The following PROM1 variants were observed in gnomAD, a reference collection of about 807,000 sequenced individuals.
PROM1 encodes prominin-1.
A neutral mutation model predicts 116.9 loss-of-function variants in PROM1; 105 were observed. The ratio of observed to expected loss-of-function variants is 0.90; its 90% CI spans 0.77 to 1.06. The LOEUF (loss-of-function observed/expected upper bound fraction) is 1.06. Among genes scored for constraint, PROM1 ranks in the 50% least tolerant of loss-of-function variants. The pLI is 0.00. For synonymous variants in PROM1, 393 were observed against 387.0 expected, an observed-to-expected ratio of 1.02 and a Z score of -0.18; for missense variants, 1,122 against 1,045.2, an observed-to-expected ratio of 1.07 and a Z score of -1.01.
At position 16,023,329 on chromosome 4, in the gene PROM1, T is replaced by C. The variant is rs780178374; in HGVS notation, c.781A>G (p.Thr261Ala). The change falls in exon 8 of 28, where the codon ACA becomes GCA. Residue 261 changes from threonine to alanine, a missense_variant. Physicochemically the swap from Thr to Ala is moderately conservative, Grantham distance 58. Transcript: ENST00000447510. ...GTCATTTTTGCCCACTGCTTACCTG[T>C]TGCCATGGACTTAATCTCATCAAGA... ...PVLDEIKSMA[T>A]AIKETKEALE... The C allele has an allele frequency of 3.7e-6, 6 of 1,600,014 alleles. 1 individual carries two copies. The East Asian group carries it at 6.7e-5, about 18-fold the overall frequency.
intron 2 of PROM1, among the ~76,000 whole-genome samples, chr4:16,068,055 G>A (rs1741939586): frequency 6.6e-6 from 1 of 152,178 alleles, no homozygotes; most frequent in South Asian, 2.1e-4. Flanking sequence ...AGAGGGAGAG[G>A]GTAGGGGAGG....
chr4:15,984,277 T>G lies in PROM1; in HGVS notation c.2359A>C (p.Ile787Leu). The change falls in exon 23 of 28, where the codon ATT becomes CTT. Residue 787 changes from isoleucine to leucine, a missense_variant. Physicochemically the swap from Ile to Leu is conservative, Grantham distance 5. Transcript: ENST00000447510. ...TGAAATCTTACCAAGGGGTCGATAA[T>G]GTAGCTACACAGAAAGACATCAACA... ...TAVDVFLCSY[I>L]IDPLNLFWFG... is the part of the protein sequence containing the mutation. 6.2e-7 allele frequency: 1 copy of G among 1,603,182 alleles called. No homozygotes were observed. Among genetic ancestry groups the G allele is most frequent in the East Asian group, 2.2e-5 (1 of 44,772 alleles).
At chr4:15,990,880 AC>A (rs750903677) in intron 18 of PROM1, among the ~76,000 whole-genome samples, 6 of 152,244 alleles carry the variant, frequency 3.9e-5, no homozygotes, top group Non-Finnish European at 5.9e-5. Flanking sequence ...AAATAAGACT[AC>A]AAAACTGTCC....
chr4:16,063,097 T>C (rs28511570), intron 2 of PROM1, among the ~76,000 whole-genome samples: 3,353 of 152,266 alleles, frequency 0.022, 125 homozygotes, highest in African/African-American at 0.077. Flanking sequence ...AAAGGTGTTT[T>C]TCCCCCAAAA....
At chr4:16,055,235 A>C (rs1319765318) in intron 2 of PROM1, 6 of 352,312 alleles carry the variant, frequency 1.7e-5, no homozygotes, top group African/African-American at 4.3e-5. Flanking sequence ...TAATCACAGT[A>C]CCATTCTTGA....
At chr4:16,074,840 C>G (rs754929587) in intron 2 of PROM1, among the ~76,000 whole-genome samples, 8 of 152,182 alleles carry the variant, frequency 5.3e-5, no homozygotes, top group Non-Finnish European at 1.2e-4. Context: ...CTCTTACAAA[C>G]AGTAGCTGAA....
At chr4:16,040,554 A>G (rs948632425) in intron 2 of PROM1, among the ~76,000 whole-genome samples, 1 of 152,270 alleles carries the variant, frequency 6.6e-6, no homozygotes, top group Admixed American at 6.5e-5. Flanking sequence ...TGCACAGCAT[A>G]ATATGTTGCA....
chr4:15,999,729 A>G (rs1723272660), intron 14 of PROM1, among the ~76,000 whole-genome samples: 1 of 152,174 alleles, frequency 6.6e-6, no homozygotes, highest in South Asian at 2.1e-4. Context: ...CGACCAGTGA[A>G]ATAACTAAAA....
intron 2 of PROM1, among the ~76,000 whole-genome samples, chr4:16,073,054 A>C (rs895562924): frequency 2.0e-5 from 3 of 152,142 alleles, no homozygotes; most frequent in African/African-American, 4.8e-5. Context: ...GACTGCTTTG[A>C]GTAATAAAAC....
chr4:16,005,816 G>T (rs1488659935), intron 13 of PROM1, among the ~76,000 whole-genome samples: 4 of 152,160 alleles, frequency 2.6e-5, no homozygotes, highest in Non-Finnish European at 5.9e-5. Flanking sequence ...CTCTCTCCCT[G>T]CAGAGCATTC....
Position 16,024,303 on chromosome 4 carries a change from T to C in PROM1, c.686A>G (p.Asp229Gly). The change falls in exon 7 of 28, where the codon GAT becomes GGT. Residue 229 changes from aspartate (D) to glycine (G), a missense_variant. Transcript: ENST00000447510. Reference sequence around the variant, plus strand: ...CTTTAAATTTTACTCACTGTTCAGATCTGTGAACGCCTTGTCCTTGGTAGT... The same window carrying C: ...CTTTAAATTTTACTCACTGTTCAGACCTGTGAACGCCTTGTCCTTGGTAGT... The part of the protein sequence containing the change: ...YNTTKDKAFT[D>G]LNSINSVLGG... 6 of 1,613,218 alleles carry C rather than the reference T, an allele frequency of 3.7e-6. No individual in the cohort carries two copies. The highest frequency in any genetic ancestry group is 1.3e-5 in the African/African-American group (1 of 75,036).
intron 8 of PROM1, among the ~76,000 whole-genome samples, chr4:16,020,803 A>G (rs1366606502): frequency 2.0e-5 from 3 of 152,238 alleles, no homozygotes; most frequent in African/African-American, 7.2e-5. Context: ...CAGAAGTAAT[A>G]AATACATGTT....
intron 5 of PROM1, among the ~76,000 whole-genome samples, chr4:16,025,723 A>G (rs866659824): frequency 2.8e-4 from 42 of 150,652 alleles, no homozygotes; most frequent in East Asian, 7.8e-4. Flanking sequence ...ACACACGCAC[A>G]CACACACACA....
rs779628488 is a variant in PROM1 at position 16,035,696 on chromosome 4, T to G, written c.303+39A>C. 5 of 1,581,516 alleles carry G rather than the reference T, an allele frequency of 3.2e-6. No individual in the cohort carries two copies. The African/African-American group carries it at 6.7e-5, about 21-fold the overall frequency. On this transcript the variant is annotated intron_variant, in intron 4 of 27. Coordinates refer to ENST00000447510, the MANE Select transcript of PROM1 (RefSeq NM_006017.3). ...GGATGACAGTGAAGAACAGAAAGGC[T>G]TTCCAAGAGCAACTTGAAATAGCAG...
Position 16,065,330 on chromosome 4 carries a change from A to C in PROM1, c.220+10357T>G, listed in dbSNP as rs56664915. Reference sequence around the variant, plus strand: ...TCTCAACTTGCATCATTCAGGCCTCAGTTCCCTCCACCTGGAATGTTCTCT... The same window carrying C: ...TCTCAACTTGCATCATTCAGGCCTCCGTTCCCTCCACCTGGAATGTTCTCT... On this transcript the variant is annotated intron_variant, in intron 2 of 27. Transcript: ENST00000447510. Among the ~76,000 whole-genome samples, 1,346 of 152,290 alleles carry C rather than the reference A, an allele frequency of 8.8e-3. 40 individuals are homozygous for C. Among genetic ancestry groups the C allele is most frequent in the East Asian group, 0.065 (335 of 5,168 alleles).
At chr4:16,012,133 G>T (rs1190565821) in intron 11 of PROM1, among the ~76,000 whole-genome samples, 1 of 152,018 alleles carries the variant, frequency 6.6e-6, no homozygotes, top group Non-Finnish European at 1.5e-5. Context: ...AGTAGCTGGG[G>T]TTACAGGGAT....
At chr4:16,032,680 C>T (rs972587661) in intron 5 of PROM1, among the ~76,000 whole-genome samples, 1 of 152,154 alleles carries the variant, frequency 6.6e-6, no homozygotes, top group Non-Finnish European at 1.5e-5. Context: ...AAAACGTCAT[C>T]TTAAAAGCAA....
chr4:16,038,155 G>T (rs1734351048), intron 3 of PROM1: 1 of 152,110 alleles, frequency 6.6e-6, no homozygotes, highest in Admixed American at 6.5e-5. Context: ...AGCCTCTTGA[G>T]ACCAAAGGCT....
At chr4:15,980,100 A>G (rs1327881342) in intron 24 of PROM1, among the ~76,000 whole-genome samples, 196 bp from the exon 25 acceptor site, 1 of 152,162 alleles carries the variant, frequency 6.6e-6, no homozygotes, top group Non-Finnish European at 1.5e-5. Flanking sequence ...CAGACTACAG[A>G]GCCAAAATGG....
Sources: gnomAD v4.1 joint callset for allele counts (sites outside exome capture counted in the v4.1 genomes callset) on GRCh38, gnomAD v4.1.1 for gene constraint, MANE v1.5 for transcripts, NCBI Gene and HGNC (gene_info 2026-07-23, HGNC 2026-07-21) for gene names.